The following VOPP1 variants were observed in gnomAD, a reference collection of about 807,000 sequenced individuals.
VOPP1 encodes VOPP1 WW domain binding protein.
In VOPP1, 8 loss-of-function variants were observed where a neutral mutation model predicts 23.5. The observed-to-expected ratio is 0.34, with a 90% CI of 0.20 to 0.61. The LOEUF (loss-of-function observed/expected upper bound fraction) is 0.61. VOPP1 is among the 20% of genes least tolerant of loss of function. The pLI is 0.78. For synonymous variants in VOPP1, 83 were observed against 97.3 expected (o/e 0.85, Z 0.86); for missense variants, 174 against 238.1 (o/e 0.73, Z 1.77).
At chr7:55,473,101 A>G in intron 4 of VOPP1, 56 bp from the exon 5 acceptor site, 14 of 1,555,424 alleles carry the variant, frequency 9.0e-6, no homozygotes, top group Non-Finnish European at 1.1e-5. Flanking sequence ...TCACACCGCA[A>G]GTATGTGCAG....
chr7:55,537,066 G>A (rs568297009), intron 1 of VOPP1, among the ~76,000 whole-genome samples: 36 of 152,232 alleles, frequency 2.4e-4, no homozygotes, highest in African/African-American at 7.5e-4. Flanking sequence ...ATTTTCTGAC[G>A]AGAAACGCAA....
At chr7:55,544,176 T>C (rs1797261880) in intron 1 of VOPP1, among the ~76,000 whole-genome samples, 2 of 152,208 alleles carry the variant, frequency 1.3e-5, no homozygotes, top group Non-Finnish European at 2.9e-5. Context: ...ACAATGTCCT[T>C]TGCCCAATGG....
intron 2 of VOPP1, among the ~76,000 whole-genome samples, chr7:55,505,938 C>T (rs2129031227): frequency 6.6e-6 from 1 of 152,336 alleles, no homozygotes; most frequent in South Asian, 2.1e-4. Context: ...TAAAACAGGA[C>T]AGTGTCAGAT....
At chr7:55,561,713 A>G in intron 1 of VOPP1, 1 of 430,070 alleles carries the variant, frequency 2.3e-6, no homozygotes, top group Non-Finnish European at 4.2e-6. Flanking sequence ...AAAAAAAAAA[A>G]AAAGAAGAAG....
chr7:55,491,221 TAAG>T (rs1446926313), intron 4 of VOPP1, among the ~76,000 whole-genome samples: 1 of 152,246 alleles, frequency 6.6e-6, no homozygotes, highest in Non-Finnish European at 1.5e-5. Context: ...TTTTGTGTGA[TAAG>T]AACATATATT....
intron 2 of VOPP1, among the ~76,000 whole-genome samples, chr7:55,518,493 T>C (rs1795621582): frequency 6.6e-6 from 1 of 152,224 alleles, no homozygotes; most frequent in African/African-American, 2.4e-5. Flanking sequence ...GGTGGTTTGC[T>C]GGTGTTGTCA....
intron 4 of VOPP1, among the ~76,000 whole-genome samples, chr7:55,482,259 T>C (rs986048427): frequency 1.1e-4 from 17 of 152,088 alleles, no homozygotes; most frequent in Non-Finnish European, 8.8e-5. Context: ...TATAACGCTG[T>C]ACATTTCCTC....
intron 1 of VOPP1, among the ~76,000 whole-genome samples, chr7:55,528,298 C>G (rs767925077): frequency 1.8e-4 from 28 of 152,254 alleles, no homozygotes; most frequent in Non-Finnish European, 3.2e-4. Flanking sequence ...TACCGAAATA[C>G]TGACAACTAA....
chr7:55,520,547 C>T (rs1795771301), intron 2 of VOPP1, among the ~76,000 whole-genome samples: 1 of 152,180 alleles, frequency 6.6e-6, no homozygotes, highest in African/African-American at 2.4e-5. Context: ...TGAGGGGGCA[C>T]TGGAAGGATT....
At chr7:55,445,975 A>T (rs1255645653) in intron 4 of VOPP1, among the ~76,000 whole-genome samples, 1 of 147,848 alleles carries the variant, frequency 6.8e-6, no homozygotes. Flanking sequence ...ACTGTTGTGG[A>T]GGTATCCAGG....
intron 4 of VOPP1, among the ~76,000 whole-genome samples, chr7:55,456,036 AT>A (rs1392282285): frequency 6.6e-6 from 1 of 152,158 alleles, no homozygotes; most frequent in Non-Finnish European, 1.5e-5. Flanking sequence ...ACGGGAGAAA[AT>A]TTTTACAATC....
chr7:55,547,040 T>C (rs891511204), intron 1 of VOPP1, among the ~76,000 whole-genome samples: 3 of 152,248 alleles, frequency 2.0e-5, no homozygotes, highest in Non-Finnish European at 2.9e-5. Context: ...CCGCCCAGAC[T>C]GGCAGAAGGC....
At chr7:55,443,118 CA>C (rs1413165223) in intron 4 of VOPP1, among the ~76,000 whole-genome samples, 3 of 150,462 alleles carry the variant, frequency 2.0e-5, no homozygotes, top group African/African-American at 4.9e-5. Context: ...GACTCCGTCT[CA>C]AAAAAATAAA....
chr7:55,562,751 C>T lies in VOPP1; in HGVS notation c.54+9520G>A, dbSNP rs185117494. Reference sequence around the variant, plus strand: ...CAGGACTCTTGCTGAAACTGAGCTCCACTGAGGACAGACACAGAGGGCAAG... The same window carrying T: ...CAGGACTCTTGCTGAAACTGAGCTCTACTGAGGACAGACACAGAGGGCAAG... On this transcript the variant is annotated intron_variant, in intron 1 of 4. Transcript: ENST00000285279. Among the ~76,000 whole-genome samples the T allele has an allele frequency of 7.2e-5, 11 of 152,252 alleles. No individual in the cohort carries two copies. The East Asian group carries it at 7.7e-4, about 11-fold the overall frequency.
intron 4 of VOPP1, among the ~76,000 whole-genome samples, chr7:55,485,829 C>T (rs959970343): frequency 6.6e-6 from 1 of 152,250 alleles, no homozygotes; most frequent in African/African-American, 2.4e-5. Flanking sequence ...CCACATTTTC[C>T]CTCATCCGCC....
intron 3 of VOPP1, among the ~76,000 whole-genome samples, chr7:55,493,431 C>T (rs893435659): frequency 2.0e-5 from 3 of 152,220 alleles, no homozygotes; most frequent in East Asian, 3.8e-4. Context: ...ATAAAAGAAG[C>T]TCTTAAGAGC....
At chr7:55,435,532 C>A (rs1253884002), downstream of VOPP1, among the ~76,000 whole-genome samples, 1 of 152,200 alleles carries the variant, frequency 6.6e-6, no homozygotes, top group African/African-American at 2.4e-5. Context: ...CTTCCTGGTA[C>A]ACAGCTGTGG....
intron 4 of VOPP1, among the ~76,000 whole-genome samples, chr7:55,455,664 C>G (rs1353468426): frequency 6.6e-6 from 1 of 152,222 alleles, no homozygotes; most frequent in Non-Finnish European, 1.5e-5. Flanking sequence ...CTACAACCAT[C>G]TGATCTTTCA....
Position 55,436,617 on chromosome 7 carries a change from AGTGT to A in VOPP1, n.418-447_418-444del, listed in dbSNP as rs764332148. On this transcript the variant is annotated intron_variant and non_coding_transcript_variant, in intron 4 of 4. Transcript: ENST00000462326. ...AATTGTGCATGAGTGTGTGTGCATGAGTGTGTGTGTGTGCGTGTGTGTGCGTGCG... is the reference window on the plus strand; with the variant it reads ...AATTGTGCATGAGTGTGTGTGCATGAGTGTGTGTGCGTGTGTGTGCGTGCG... Among the ~76,000 whole-genome samples, 39 of 146,542 alleles carry A rather than the reference AGTGT, an allele frequency of 2.7e-4. 1 individual carries two copies. Among genetic ancestry groups the A allele is most frequent in the Admixed American group, 5.4e-4 (8 of 14,786 alleles).
Sources: allele counts gnomAD v4.1 joint callset (sites outside exome capture counted in the v4.1 genomes callset), GRCh38; gene constraint gnomAD v4.1.1; transcripts MANE v1.5; gene names NCBI Gene and HGNC (gene_info 2026-07-23, HGNC 2026-07-21).